Variants in MSRB3 observed in about 807,000 individuals in gnomAD.
MSRB3 encodes the protein methionine-R-sulfoxide reductase B3.
MSRB3 carries 13 observed loss-of-function variants against 21.0 expected under a neutral mutation model. The observed-to-expected ratio is 0.62, with a 90% confidence interval of 0.40 to 0.98. The LOEUF is 0.98. MSRB3 is among the 50% of genes least tolerant of loss of function. The pLI is 0.00. For synonymous variants in MSRB3, 87 were observed against 88.6 expected (o/e 0.98, Z 0.10); for missense variants, 199 against 230.3 (o/e 0.86, Z 0.88).
chr12:65,439,491 TC>T, intron 5 of MSRB3, among the ~76,000 whole-genome samples: 1 of 151,670 alleles, frequency 6.6e-6, no homozygotes, highest in East Asian at 1.9e-4. Context: ...AATTTTGTAT[TC>T]TCATGGAACA....
At chr12:65,397,868 C>T (rs1218676489) in intron 5 of MSRB3, among the ~76,000 whole-genome samples, 2 of 152,170 alleles carry the variant, frequency 1.3e-5, no homozygotes, top group African/African-American at 4.8e-5. Context: ...GTTTGGTTTT[C>T]TGTTCCTGTG....
At chr12:65,369,087 T>C in intron 5 of MSRB3, 61 bp downstream of exon 5, 1 of 1,211,610 alleles carries the variant, frequency 8.3e-7, no homozygotes, top group East Asian at 2.3e-5. Flanking sequence ...CTCTGAGGAG[T>C]AAATCATCAG....
intron 5 of MSRB3, chr12:65,419,474 A>G: frequency 2.7e-6 from 2 of 743,556 alleles, no homozygotes; most frequent in South Asian, 1.4e-5. Flanking sequence ...CAGAGCCCAT[A>G]GATGTCGCTC....
chr12:65,353,036 T>C lies in MSRB3; in HGVS notation c.264-15962T>C, dbSNP rs921361430. Among the ~76,000 whole-genome samples, 89 of 151,822 alleles carry C rather than the reference T, an allele frequency of 5.9e-4. 1 individual carries two copies. The highest frequency in any genetic ancestry group is 2.0e-3 in the African/African-American group (84 of 41,490). On this transcript the variant is annotated intron_variant, in intron 4 of 6. Transcript: ENST00000308259. ...AATCCTAAGCCAAAAGAACAAAGCTTTAGTGATTTTCTTAATCCTGAGTTC... is the reference window on the plus strand; with the variant it reads ...AATCCTAAGCCAAAAGAACAAAGCTCTAGTGATTTTCTTAATCCTGAGTTC...
chr12:65,419,329 G>A (rs1417981937), intron 5 of MSRB3: 2 of 757,712 alleles, frequency 2.6e-6, no homozygotes, highest in Non-Finnish European at 4.9e-6. Context: ...GATCAAACCA[G>A]AGCTGACAAT....
intron 1 of MSRB3, among the ~76,000 whole-genome samples, chr12:65,295,562 T>G (rs1327871285): frequency 6.6e-6 from 1 of 152,142 alleles, no homozygotes; most frequent in African/African-American, 2.4e-5. Flanking sequence ...TCCCTTTTTT[T>G]TTTGGTAGGG....
intron 4 of MSRB3, among the ~76,000 whole-genome samples, chr12:65,355,656 A>G (rs376501509): frequency 6.6e-6 from 1 of 151,878 alleles, no homozygotes; most frequent in Admixed American, 6.6e-5. Context: ...TTAAGTACAT[A>G]GTGTTAATGG....
intron 4 of MSRB3, among the ~76,000 whole-genome samples, chr12:65,335,399 A>G (rs1875698161): frequency 6.6e-6 from 1 of 152,208 alleles, no homozygotes. Flanking sequence ...CACACATGCT[A>G]CATTTCACAT....
At chr12:65,411,402 A>G (rs1434868951) in intron 5 of MSRB3, among the ~76,000 whole-genome samples, 1 of 152,140 alleles carries the variant, frequency 6.6e-6, no homozygotes, top group African/African-American at 2.4e-5. Flanking sequence ...TGTCCTTCCT[A>G]TGACCACCAG....
At chr12:65,289,005 T>G (rs1872541523) in intron 1 of MSRB3, among the ~76,000 whole-genome samples, 1 of 152,210 alleles carries the variant, frequency 6.6e-6, no homozygotes, top group South Asian at 2.1e-4. Flanking sequence ...CTGGGTACCC[T>G]CATCCAGCTT....
intron 1 of MSRB3, among the ~76,000 whole-genome samples, chr12:65,297,610 G>A (rs1055554939): frequency 6.6e-6 from 1 of 152,186 alleles, no homozygotes; most frequent in South Asian, 2.1e-4. Context: ...GTACCAGAGA[G>A]CGTTGAGGAT....
At chr12:65,399,364 A>G (rs528005439) in intron 5 of MSRB3, among the ~76,000 whole-genome samples, 5 of 151,880 alleles carry the variant, frequency 3.3e-5, no homozygotes, top group Admixed American at 2.6e-4. Context: ...TTCTCTTTGT[A>G]CCTATTGTGA....
At chr12:65,444,934 C>T (rs900329401) in intron 5 of MSRB3, among the ~76,000 whole-genome samples, 1 of 152,132 alleles carries the variant, frequency 6.6e-6, no homozygotes, top group Non-Finnish European at 1.5e-5. Context: ...ATATTCATCC[C>T]TCCTACATAT....
chr12:65,328,741 C>A (rs1401852257), intron 4 of MSRB3, 138 bp downstream of exon 4: 2 of 697,500 alleles, frequency 2.9e-6, no homozygotes, highest in Middle Eastern at 2.8e-4. Context: ...CCCAACAAAA[C>A]AAAAGTAATT....
chr12:65,404,571 TA>T lies in MSRB3; in HGVS notation c.292+35546del, dbSNP rs1880308560. Reference sequence around the variant, plus strand: ...TTTACATAGATCTGAGTTTCTGATTTATATCATTTTCCTTTTCTCTGAAGAA... The same window carrying T: ...TTTACATAGATCTGAGTTTCTGATTTTATCATTTTCCTTTTCTCTGAAGAA... On this transcript the variant is annotated intron_variant, in intron 5 of 6. Coordinates refer to ENST00000308259, the MANE Select transcript of MSRB3 (RefSeq NM_001031679.3). Among the ~76,000 whole-genome samples the T allele has an allele frequency of 2.6e-5, 4 of 152,230 alleles. No individual in the cohort carries two copies. In the South Asian group the frequency reaches 8.3e-4, roughly 31 times the overall value.
intron 5 of MSRB3, among the ~76,000 whole-genome samples, chr12:65,452,968 C>T (rs1383755199): frequency 6.6e-6 from 1 of 152,160 alleles, no homozygotes; most frequent in Non-Finnish European, 1.5e-5. Context: ...TAAAACCTGA[C>T]TGTACACTCA....
chr12:65,337,430 C>CAAAAAAA (rs780302211), intron 4 of MSRB3, among the ~76,000 whole-genome samples: 1 of 43,588 alleles, frequency 2.3e-5, no homozygotes, highest in African/African-American at 8.4e-5. Context: ...GAGACTACAT[C>CAAAAAAA]AAAAAAAAAA....
intron 4 of MSRB3, among the ~76,000 whole-genome samples, chr12:65,349,732 C>G (rs1241750893): frequency 6.6e-6 from 1 of 150,532 alleles, no homozygotes; most frequent in African/African-American, 2.5e-5. Flanking sequence ...TGTTCATGTC[C>G]TTCACCCACT....
intron 2 of MSRB3, among the ~76,000 whole-genome samples, chr12:65,320,038 T>C (rs1475835220): frequency 6.6e-6 from 1 of 152,176 alleles, no homozygotes; most frequent in African/African-American, 2.4e-5. Flanking sequence ...AAGTTTACAA[T>C]GGTATGTTGC....
Sources: allele counts gnomAD v4.1 joint callset (sites outside exome capture counted in the v4.1 genomes callset), GRCh38; gene constraint gnomAD v4.1.1; transcripts MANE v1.5; gene names NCBI Gene and HGNC (gene_info 2026-07-23, HGNC 2026-07-21).